The following CPNE3 variants were observed in gnomAD, a reference collection of about 807,000 sequenced individuals.
CPNE3 encodes copine-3.
CPNE3 carries 68 observed loss-of-function variants against 63.9 expected under a neutral mutation model. The observed-to-expected ratio is 1.06, with a 90% CI of 0.87 to 1.30. The LOEUF is 1.30. CPNE3 is among the 50% of genes most tolerant of loss of function. CPNE3 has a pLI of 0.00. For missense variants in CPNE3, 665 were observed against 578.1 expected (o/e 1.15, Z -1.54); for synonymous variants, 219 against 197.5 (o/e 1.11, Z -0.91).
chr8:86,521,010 C>T (rs763146180), intron 2 of CPNE3, among the ~76,000 whole-genome samples: 1 of 151,848 alleles, frequency 6.6e-6, no homozygotes, highest in Non-Finnish European at 1.5e-5. Context: ...TTTCTGGTAT[C>T]CTGTGGTAGT....
At chr8:86,556,516 T>C (rs1391825330) in intron 16 of CPNE3, among the ~76,000 whole-genome samples, 178 bp downstream of exon 16, 1 of 152,266 alleles carries the variant, frequency 6.6e-6, no homozygotes, top group African/African-American at 2.4e-5. Flanking sequence ...CATTATGTGC[T>C]TCTTGCAGGC....
At position 86,560,891 on chromosome 8, in the gene CPNE3, C is replaced by A. The variant is rs899291071; in HGVS notation, c.*2481C>A. On this transcript the variant is annotated 3_prime_UTR_variant, in exon 17 of 17. Transcript: ENST00000517490. ...AAAATTACCCATATTGACTTTCACA[C>A]CTCATATAATCAGATCTATTACAAA... 1 of 152,166 alleles carries A rather than the reference C, an allele frequency of 6.6e-6. No individual in the cohort carries two copies. 9.4% of individuals were successfully genotyped at this position (152,166 alleles called of 1,614,324 possible).
At chr8:86,517,424 A>G (rs2131415370) in intron 2 of CPNE3, among the ~76,000 whole-genome samples, 1 of 152,234 alleles carries the variant, frequency 6.6e-6, no homozygotes, top group East Asian at 1.9e-4. Flanking sequence ...TTATCCGGCT[A>G]TTTCACCTTC....
chr8:86,548,071 G>T (rs964016571), intron 11 of CPNE3, among the ~76,000 whole-genome samples: 6 of 152,194 alleles, frequency 3.9e-5, no homozygotes, highest in Admixed American at 2.6e-4. Context: ...TTAAGCTTAA[G>T]TAATGGATAC....
chr8:86,532,660 T>C, intron 6 of CPNE3, 80 bp downstream of exon 6: 1 of 1,225,232 alleles, frequency 8.2e-7, no homozygotes, highest in Non-Finnish European at 1.2e-6. Context: ...GTTAATATCA[T>C]GAACTCCATC....
At position 86,529,072 on chromosome 8, in the gene CPNE3, T is replaced by C. The variant is rs1051210316; in HGVS notation, c.260T>C (p.Ile87Thr). 2 of 1,614,060 alleles carry C rather than the reference T, an allele frequency of 1.2e-6. No individual in the cohort carries two copies. Among genetic ancestry groups the C allele is most frequent in the African/African-American group, 1.3e-5 (1 of 75,042 alleles). Residue 87 changes from isoleucine to threonine, a missense_variant, in exon 4 of 17, where the codon ATT becomes ACT. Physicochemically the swap from Ile to Thr is moderately conservative, Grantham distance 89. Transcript: ENST00000517490. Reference protein sequence around the residue: ...FGVYDIDNKTIELSDDDFLGE... With the variant: ...FGVYDIDNKTTELSDDDFLGE... ...GTTTATGACATCGACAACAAAACTA[T>C]TGAGCTGAGTGATGATGACTTCTTA...
At chr8:86,522,220 A>C (rs781112904) in intron 2 of CPNE3, among the ~76,000 whole-genome samples, 2 of 152,208 alleles carry the variant, frequency 1.3e-5, no homozygotes, top group African/African-American at 2.4e-5. Flanking sequence ...CCCTGTCTGT[A>C]CCACACAATT....
intron 2 of CPNE3, among the ~76,000 whole-genome samples, chr8:86,520,528 T>C (rs1174890286): frequency 6.7e-6 from 1 of 149,300 alleles, no homozygotes; most frequent in African/African-American, 2.5e-5. Flanking sequence ...CACTCCAGCA[T>C]GGGCGACAAG....
chr8:86,551,014 C>A, intron 12 of CPNE3, 32 bp from the exon 13 acceptor site: 2 of 1,519,208 alleles, frequency 1.3e-6, no homozygotes, highest in East Asian at 2.5e-5. Context: ...TTGGAAAAAA[C>A]AGTATTTTAT....
intron 2 of CPNE3, among the ~76,000 whole-genome samples, chr8:86,518,484 G>A (rs1820363490): frequency 6.6e-6 from 1 of 152,160 alleles, no homozygotes; most frequent in African/African-American, 2.4e-5. Context: ...TTTTCAGCTA[G>A]GGGATGCAGC....
Position 86,551,254 on chromosome 8 carries a change from T to C in CPNE3, c.1120+20T>C. On this transcript the variant is annotated intron_variant, in intron 14 of 16. Transcript: ENST00000517490. ...GCAATGGTAAGTTAAAAAATAAACA[T>C]GAAGACTTCAAATGGAAAGGCTCAC... 1.3e-6 allele frequency: 2 copies of C among 1,512,406 alleles called. No homozygotes were observed. Among genetic ancestry groups the C allele is most frequent in the African/African-American group, 1.4e-5 (1 of 72,856 alleles). 93.7% of individuals were successfully genotyped at this position (1,512,406 alleles called of 1,614,324 possible).
chr8:86,537,450 A>C, intron 6 of CPNE3, 113 bp from the exon 7 acceptor site: 1 of 684,404 alleles, frequency 1.5e-6, no homozygotes. Context: ...ATTTACTATC[A>C]ATACTATAGA....
Position 86,532,506 on chromosome 8 carries a change from T to C in CPNE3, c.388-3T>C. 3 of 1,609,052 alleles carry C rather than the reference T, an allele frequency of 1.9e-6. No individual in the cohort carries two copies. The highest frequency in any genetic ancestry group is 2.2e-5 in the East Asian group (1 of 44,664). ...TTCTTTCACTTACCTGATCTACTCA[T>C]AGATTTCAGCTGAAGAAATAAAAGA... On this transcript the variant is annotated splice_region_variant and splice_polypyrimidine_tract_variant and intron_variant, in intron 5 of 16. Transcript: ENST00000517490.
At chr8:86,548,015 T>C (rs1005436315) in intron 11 of CPNE3, among the ~76,000 whole-genome samples, 10 of 152,204 alleles carry the variant, frequency 6.6e-5, no homozygotes, top group Non-Finnish European at 1.2e-4. Context: ...TGAACTAATT[T>C]AAGGACTAGA....
At chr8:86,515,012 G>A (rs1820248989) in intron 1 of CPNE3, 1 of 152,318 alleles carries the variant, frequency 6.6e-6, no homozygotes, top group East Asian at 1.9e-4. Context: ...CCAATGCCCA[G>A]TTGAGCGGGG....
intron 16 of CPNE3, 47 bp from the exon 17 acceptor site, chr8:86,558,241 G>A (rs761970169): frequency 1.1e-6 from 1 of 871,528 alleles, no homozygotes; most frequent in Non-Finnish European, 2.0e-6. Flanking sequence ...AAAAAGCCAG[G>A]AAAATTCAGT....
chr8:86,544,256 G>C (rs1179467971), intron 8 of CPNE3, among the ~76,000 whole-genome samples: 3 of 152,136 alleles, frequency 2.0e-5, no homozygotes, highest in Non-Finnish European at 4.4e-5. Context: ...CCAGATTGCA[G>C]CTAATGAAAT....
At chr8:86,515,760 G>A (rs1436473467) in intron 2 of CPNE3, among the ~76,000 whole-genome samples, 1 of 152,120 alleles carries the variant, frequency 6.6e-6, no homozygotes, top group Non-Finnish European at 1.5e-5. Flanking sequence ...AAAACATTTA[G>A]CAAAGTGCTT....
intron 9 of CPNE3, among the ~76,000 whole-genome samples, chr8:86,545,680 A>G (rs1202560509): frequency 6.6e-6 from 1 of 152,088 alleles, no homozygotes; most frequent in Non-Finnish European, 1.5e-5. Flanking sequence ...TTAGTGTTTG[A>G]TTCTTGGAAA....
Sources: allele counts gnomAD v4.1 joint callset (sites outside exome capture counted in the v4.1 genomes callset), GRCh38; gene constraint gnomAD v4.1.1; transcripts MANE v1.5; gene names NCBI Gene and HGNC (gene_info 2026-07-23, HGNC 2026-07-21).